Variants in DNAH6 observed in about 807,000 individuals in gnomAD.
The protein encoded by DNAH6 is dynein axonemal heavy chain 6.
In DNAH6, 340 loss-of-function variants were observed where a neutral mutation model predicts 491.4. The ratio of observed to expected loss-of-function variants is 0.69; its 90% CI spans 0.63 to 0.76. The LOEUF (loss-of-function observed/expected upper bound fraction) is 0.76. DNAH6 is among the 30% of genes least tolerant of loss of function. The pLI, the probability that DNAH6 is intolerant of heterozygous loss-of-function variation, is 0.00. For synonymous variants in DNAH6, 1,603 were observed against 1,686.1 expected (o/e 0.95, Z 1.21); for missense variants, 4,443 against 4,972.2 (o/e 0.89, Z 3.20).
At chr2:84,468,026 C>T in the DNAH6 span, among the ~76,000 whole-genome samples, 1 of 151,982 alleles carries the variant, frequency 6.6e-6, no homozygotes, top group African/African-American at 2.4e-5. Flanking sequence ...GTTTATATGA[C>T]CTTAAAGCAT....
intron 59 of DNAH6, among the ~76,000 whole-genome samples, chr2:84,721,750 G>T (rs1698185317): frequency 6.6e-6 from 1 of 152,118 alleles, no homozygotes; most frequent in African/African-American, 2.4e-5. Flanking sequence ...GAAAGCACTG[G>T]TCTATACAGG....
chr2:84,502,915 A>G, the DNAH6 span, among the ~76,000 whole-genome samples: 27 of 152,174 alleles, frequency 1.8e-4, no homozygotes, highest in East Asian at 4.6e-3. Flanking sequence ...CTTATAAGCA[A>G]TGGATCAATG....
intron 63 of DNAH6, among the ~76,000 whole-genome samples, chr2:84,757,841 A>G (rs1430628295): frequency 1.3e-5 from 2 of 152,116 alleles, no homozygotes; most frequent in East Asian, 1.9e-4. Context: ...CTGAGAGACA[A>G]CTATCACCGG....
intron 4 of DNAH6, among the ~76,000 whole-genome samples, chr2:84,536,814 T>TCATA (rs1397372948): frequency 4.6e-5 from 7 of 152,020 alleles, no homozygotes; most frequent in Admixed American, 6.6e-5. Context: ...ATGATGTAGC[T>TCATA]ACTTCAAAAA....
chr2:84,744,972 G>T, intron 62 of DNAH6, 108 bp from the exon 63 acceptor site: 1 of 738,310 alleles, frequency 1.4e-6, no homozygotes, highest in South Asian at 2.7e-5. Flanking sequence ...TATACTTGTG[G>T]TTAAAACTGA....
intron 17 of DNAH6, 74 bp from the exon 18 acceptor site, chr2:84,595,572 T>C: frequency 7.4e-7 from 1 of 1,343,508 alleles, no homozygotes; most frequent in East Asian, 2.6e-5. Flanking sequence ...CTTTTAAAAG[T>C]TTTTTTAGTA....
At chr2:84,471,494 G>C in the DNAH6 span, among the ~76,000 whole-genome samples, 1 of 152,300 alleles carries the variant, frequency 6.6e-6, no homozygotes, top group East Asian at 1.9e-4. Flanking sequence ...TGATATTCCT[G>C]CCTAACTATT....
chr2:84,756,283 G>A (rs1674014462), intron 63 of DNAH6, among the ~76,000 whole-genome samples: 1 of 152,190 alleles, frequency 6.6e-6, no homozygotes, highest in South Asian at 2.1e-4. Flanking sequence ...TTGAACTTGA[G>A]AAAGAAAGTT....
chr2:84,757,559 G>A (rs552020407), intron 63 of DNAH6, among the ~76,000 whole-genome samples: 9 of 152,288 alleles, frequency 5.9e-5, no homozygotes, highest in African/African-American at 1.7e-4. Context: ...TTCAACATCA[G>A]GAAGCAGGCC....
intron 63 of DNAH6, among the ~76,000 whole-genome samples, chr2:84,748,242 C>T (rs74431710): frequency 5.9e-5 from 9 of 152,284 alleles, no homozygotes; most frequent in Non-Finnish European, 1.0e-4. Flanking sequence ...CACATAAGCA[C>T]GCTACAAATT....
At chr2:84,633,754 A>G (rs992734262) in intron 29 of DNAH6, among the ~76,000 whole-genome samples, 3 of 151,534 alleles carry the variant, frequency 2.0e-5, no homozygotes, top group Non-Finnish European at 2.9e-5. Context: ...GTTTTTATCA[A>G]GCAGGTACAG....
chr2:84,502,282 G>A, the DNAH6 span, among the ~76,000 whole-genome samples: 1 of 151,952 alleles, frequency 6.6e-6, no homozygotes, highest in African/African-American at 2.4e-5. Flanking sequence ...ATTGACTCCT[G>A]GTCATTCGGA....
intron 26 of DNAH6, among the ~76,000 whole-genome samples, chr2:84,623,486 TTATA>T (rs923374648): frequency 3.7e-4 from 57 of 152,242 alleles, no homozygotes; most frequent in African/African-American, 1.3e-3. Context: ...TACAACAACT[TTATA>T]TATATTTATA....
intron 51 of DNAH6, among the ~76,000 whole-genome samples, chr2:84,704,973 C>T (rs1314750724): frequency 6.6e-6 from 1 of 152,142 alleles, no homozygotes; most frequent in Non-Finnish European, 1.5e-5. Flanking sequence ...ACCCAGAGAG[C>T]TCTGCAGAGC....
intron 35 of DNAH6, among the ~76,000 whole-genome samples, chr2:84,658,047 C>T (rs1161611352): frequency 6.6e-6 from 1 of 151,896 alleles, no homozygotes; most frequent in African/African-American, 2.4e-5. Flanking sequence ...AAATTAACAC[C>T]TCTGAACCCA....
intron 15 of DNAH6, 59 bp downstream of exon 15, chr2:84,584,309 T>C (rs779595399): frequency 3.3e-6 from 5 of 1,513,072 alleles, no homozygotes; most frequent in Non-Finnish European, 3.6e-6. Context: ...ATTACATTTG[T>C]TTATTAAAGT....
chr2:84,548,280 A>T lies in DNAH6; in HGVS notation c.1187-8A>T, dbSNP rs778351682. 6.2e-5 allele frequency: 100 copies of T among 1,606,190 alleles called. No homozygotes were observed. The highest frequency in any genetic ancestry group is 8.0e-5 in the Non-Finnish European group (94 of 1,177,600). ...TACACTTGTTGTTGTTCCTTCTGTT[A>T]TTCTTAGATTATCATAAAGTGCAGA... is the stretch of plus-strand genomic sequence containing the variant. On this transcript the variant is annotated splice_polypyrimidine_tract_variant and splice_region_variant and intron_variant, in intron 7 of 76. Transcript: ENST00000389394.
chr2:84,677,321 G>A (rs1003099137), intron 41 of DNAH6, among the ~76,000 whole-genome samples, 185 bp downstream of exon 41: 1 of 152,210 alleles, frequency 6.6e-6, no homozygotes, highest in Non-Finnish European at 1.5e-5. Context: ...ACTGCCTTCT[G>A]TATCTGTTGG....
At chr2:84,612,482 A>G (rs1686431387) in intron 22 of DNAH6, among the ~76,000 whole-genome samples, 1 of 152,160 alleles carries the variant, frequency 6.6e-6, no homozygotes, top group Non-Finnish European at 1.5e-5. Context: ...CCATCCTGGT[A>G]AATATCCTCA....
Sources: gnomAD v4.1 joint callset for allele counts (sites outside exome capture counted in the v4.1 genomes callset) on GRCh38, gnomAD v4.1.1 for gene constraint, MANE v1.5 for transcripts, NCBI Gene and HGNC (gene_info 2026-07-23, HGNC 2026-07-21) for gene names.